MED16: variants seen among roughly 807,000 people sequenced by gnomAD.
MED16 encodes mediator complex subunit 16.
MED16 carries 81 observed loss-of-function variants against 84.4 expected under a neutral mutation model. The observed-to-expected ratio is 0.96, with a 90% confidence interval of 0.80 to 1.15. The LOEUF (loss-of-function observed/expected upper bound fraction) is 1.15. Among genes scored for constraint, MED16 ranks in the 50% most tolerant of loss-of-function variants. The pLI is 0.00. For synonymous variants in MED16, 897 were observed against 552.2 expected (o/e 1.62, Z -8.76); for missense variants, 1,585 against 1,245.9 (o/e 1.27, Z -4.10).
At chr19:874,552 T>TA (rs1480088160) in intron 10 of MED16, among the ~76,000 whole-genome samples, 1 of 152,048 alleles carries the variant, frequency 6.6e-6, no homozygotes, top group African/African-American at 2.4e-5. Flanking sequence ...TCAGTCCCCT[T>TA]ACGGCAAAAC....
In MED16 at chr19:868,259, G is replaced by A. The variant is rs775379987; in HGVS notation, c.2484-8C>T. On this transcript the variant is annotated splice_polypyrimidine_tract_variant and splice_region_variant and intron_variant, in intron 15 of 15. Coordinates refer to ENST00000325464, the MANE Select transcript of MED16 (RefSeq NM_005481.3). ...CCACGGCCTTCAACAGCCCTGCAGG[G>A]CGGGCTGAGGTTAACCGCGCCGAGG... 6.3e-6 allele frequency: 10 copies of A among 1,593,006 alleles called. No homozygotes were observed. Among genetic ancestry groups the A allele is most frequent in the African/African-American group, 5.4e-5 (4 of 74,604 alleles).
At chr19:874,744 G>A (rs542586262) in intron 10 of MED16, among the ~76,000 whole-genome samples, 32 of 152,138 alleles carry the variant, frequency 2.1e-4, no homozygotes, top group African/African-American at 6.7e-4. Flanking sequence ...GTGGTGGCAC[G>A]TGTCTGTAAT....
At chr19:875,571 C>T (rs1040962075) in intron 9 of MED16, 117 bp from the exon 10 acceptor site, 2 of 779,734 alleles carry the variant, frequency 2.6e-6, no homozygotes. Context: ...GCTGGGCAAG[C>T]TGCTTCGCCT....
intron 8 of MED16, 134 bp from the exon 9 acceptor site, chr19:877,314 G>C: frequency 7.7e-6 from 6 of 784,280 alleles, no homozygotes; most frequent in Middle Eastern, 3.7e-4. Flanking sequence ...GCCTGTGTGC[G>C]CGCATGTGTC....
intron 5 of MED16, 44 bp from the exon 6 acceptor site, chr19:885,052 GTGGCCA>G (rs1486573145): frequency 6.8e-7 from 1 of 1,469,708 alleles, no homozygotes; most frequent in Admixed American, 1.9e-5. Context: ...CACTGCTGTG[GTGGCCA>G]CGCCACCACC....
chr19:881,814 G>A, intron 6 of MED16, 100 bp from the exon 7 acceptor site: 1 of 1,414,572 alleles, frequency 7.1e-7, no homozygotes. Context: ...CCTGCCCAGG[G>A]CCCTTCCCAG....
chr19:886,208 AGAAG>A lies in MED16; in HGVS notation c.448-11_448-8del. 3 of 1,500,574 alleles carry A rather than the reference AGAAG, an allele frequency of 2.0e-6. No homozygotes were observed. The highest frequency in any genetic ancestry group is 2.7e-6 in the Non-Finnish European group (3 of 1,129,828). 93.0% of individuals were successfully genotyped at this position (1,500,574 alleles called of 1,614,324 possible). A position where few individuals can be genotyped will look rare whatever the true frequency, so the allele number is the denominator to read the frequency against. On this transcript the variant is annotated splice_region_variant and splice_polypyrimidine_tract_variant and intron_variant, in intron 4 of 15. Transcript: ENST00000325464. The stretch of plus-strand genomic sequence containing the variant: ...CGAAGCTGGAGGCGCCCGACTGTGG[AGAAG>A]GGAGGGAGGGAGGAGGGGCCGCTCA...
rs2036622602 is a variant in MED16 at position 891,105 on chromosome 19, T to A, written c.27A>T (p.Ala9=). The change falls in exon 2 of 16, where the codon GCA becomes GCT. Residue 9 remains alanine, a synonymous_variant. Coordinates refer to ENST00000325464, the MANE Select transcript of MED16 (RefSeq NM_005481.3). The part of the protein sequence containing the change: MCDLRRPA[A]GGMMDLAYVC... The stretch of plus-strand genomic sequence containing the variant: ...CGTAGGCCAAGTCCATCATCCCACC[T>A]GCCGCTGGCCGCCGCAAATCACACA... The A allele has an allele frequency of 1.5e-5, 24 of 1,613,640 alleles. No individual in the cohort carries two copies. The highest frequency in any genetic ancestry group is 2.0e-5 in the Non-Finnish European group (24 of 1,179,854).
chr19:883,287 GA>G (rs2036457706), intron 6 of MED16, among the ~76,000 whole-genome samples: 3 of 149,264 alleles, frequency 2.0e-5, no homozygotes, highest in African/African-American at 7.5e-5. Flanking sequence ...GGCGGGGACC[GA>G]AGCCTGGCAT....
At chr19:884,135 C>T (rs1217693380) in intron 6 of MED16, among the ~76,000 whole-genome samples, 1 of 152,210 alleles carries the variant, frequency 6.6e-6, no homozygotes, top group African/African-American at 2.4e-5. Context: ...CTCCAGGGTC[C>T]ATTAGCGCTA....
At chr19:885,352 C>T (rs1480350279) in intron 5 of MED16, among the ~76,000 whole-genome samples, 2 of 152,164 alleles carry the variant, frequency 1.3e-5, no homozygotes, top group Non-Finnish European at 2.9e-5. Flanking sequence ...GCCCCCAGAA[C>T]ATCCCATCCT....
intron 8 of MED16, among the ~76,000 whole-genome samples, chr19:879,099 G>C (rs192495047): frequency 4.0e-5 from 1 of 25,240 alleles, no homozygotes. Flanking sequence ...CCAGCAGCTC[G>C]CCTTCCCCTG....
chr19:873,715 C>A lies in MED16; in HGVS notation c.1772-133G>T, dbSNP rs757877270. 3.7e-6 allele frequency: 4 copies of A among 1,073,022 alleles called. No individual in the cohort carries two copies. In the African/African-American group the frequency reaches 4.7e-5, roughly 13 times the overall value. The allele number at this position is 1,073,022 out of a possible 1,614,324, so 66.5% of individuals were successfully genotyped here. A position where few individuals can be genotyped will look rare whatever the true frequency, so the allele number is the denominator to read the frequency against. ...GACACAAGGGGACCCACACCGGGAA[C>A]GAGAAGGGGGCGATGGCGTTGCCGG... On this transcript the variant is annotated intron_variant, in intron 10 of 15. Coordinates refer to ENST00000325464, the MANE Select transcript of MED16 (RefSeq NM_005481.3).
rs751511690 is a variant in MED16, at chr19:877,143, G to A, written c.1391C>T (p.Pro464Leu). The A allele has an allele frequency of 4.2e-5, 68 of 1,611,886 alleles. No individual in the cohort carries two copies. Among genetic ancestry groups the A allele is most frequent in the Non-Finnish European group, 4.8e-5 (57 of 1,179,708 alleles). ...CCGCAGCGCCAGCCCCACCTCCAGC[G>A]GGTGGCCCATGGAAGGTGAGAGGCG... Reference protein sequence around the residue: ...VLRLSPSMGHPLEVGLALRHL... With the variant: ...VLRLSPSMGHLLEVGLALRHL... The change falls in exon 9 of 16, where the codon CCG becomes CTG. Residue 464 changes from proline (P) to leucine (L), a missense_variant. Pro to Leu is a moderately conservative substitution (Grantham distance 98, BLOSUM62 -3). Transcript: ENST00000325464.
At chr19:868,538 G>T in intron 14 of MED16, 39 bp from the exon 15 acceptor site, 1 of 1,602,752 alleles carries the variant, frequency 6.2e-7, no homozygotes. Flanking sequence ...CCCACTTCCA[G>T]GCGGGCCTCC....
chr19:869,082 G>C (rs531740837), intron 13 of MED16, 136 bp from the exon 14 acceptor site: 6 of 751,670 alleles, frequency 8.0e-6, no homozygotes, highest in Non-Finnish European at 1.0e-5. Context: ...AGATGTCTGT[G>C]AACAGTGAGG....
intron 5 of MED16, among the ~76,000 whole-genome samples, chr19:885,228 G>C (rs1319742870): frequency 6.6e-6 from 1 of 152,180 alleles, no homozygotes; most frequent in Non-Finnish European, 1.5e-5. Context: ...CCCTCCCACA[G>C]GGACAGCAAA....
chr19:875,504 G>A (rs774150245), intron 9 of MED16, 50 bp from the exon 10 acceptor site: 37 of 1,449,256 alleles, frequency 2.6e-5, no homozygotes, highest in Admixed American at 8.0e-5. Flanking sequence ...AGAGGCGCCC[G>A]CCAAGGCTCC....
At chr19:874,827 G>T (rs770945217) in intron 10 of MED16, among the ~76,000 whole-genome samples, 14 of 151,890 alleles carry the variant, frequency 9.2e-5, no homozygotes, top group Non-Finnish European at 1.9e-4. Context: ...CTGGGACTGC[G>T]TCACCGTGCT....
Sources: gnomAD v4.1 joint callset for allele counts (sites outside exome capture counted in the v4.1 genomes callset) on GRCh38, gnomAD v4.1.1 for gene constraint, MANE v1.5 for transcripts, NCBI Gene and HGNC (gene_info 2026-07-23, HGNC 2026-07-21) for gene names.